The following NEDD4 variants were observed in gnomAD, a reference collection of about 807,000 sequenced individuals.
NEDD4 encodes the protein E3 ubiquitin-protein ligase NEDD4.
NEDD4 carries 99 observed loss-of-function variants against 144.9 expected under a neutral mutation model. The observed-to-expected ratio is 0.68, with a 90% CI of 0.58 to 0.81. The LOEUF (loss-of-function observed/expected upper bound fraction) is 0.81. Ranked by LOEUF, NEDD4 falls within the 30% of genes least tolerant of loss-of-function variation. The probability of loss-of-function intolerance (pLI) is 0.00; values close to 1 mark genes in which losing one functional copy is unlikely to be tolerated. For synonymous variants in NEDD4, 318 were observed against 350.6 expected, an observed-to-expected ratio of 0.91 and a Z score of 1.04; for missense variants, 985 against 1,065.9, an observed-to-expected ratio of 0.92 and a Z score of 1.06.
At chr15:55,973,601 C>T (rs2037650634) in intron 1 of NEDD4, among the ~76,000 whole-genome samples, 1 of 151,296 alleles carries the variant, frequency 6.6e-6, no homozygotes, top group African/African-American at 2.4e-5. Context: ...AACAGAATAA[C>T]ACTAGAAATC....
intron 5 of NEDD4, among the ~76,000 whole-genome samples, chr15:55,922,117 G>C (rs12441843): frequency 0.14 from 21,679 of 152,084 alleles, 1,681 homozygotes; most frequent in East Asian, 0.35. Context: ...CACGTACATA[G>C]GGAGACATAA....
At position 55,918,362 on chromosome 15, in the gene NEDD4, A is replaced by G. The variant is rs74851968; in HGVS notation, c.291+6284T>C. Among the ~76,000 whole-genome samples, 1,370 of 152,220 alleles carry G rather than the reference A, an allele frequency of 9.0e-3. 10 individuals are homozygous for G. The highest frequency in any genetic ancestry group is 0.029 in the African/African-American group (1,201 of 41,532). On this transcript the variant is annotated intron_variant, in intron 5 of 28. Coordinates refer to ENST00000435532, the MANE Select transcript of NEDD4 (RefSeq NM_006154.4). ...GTTGGTATTCTATTTGAAAGAAACA[A>G]ATTTATTTTTAAATAATACTCTAGG...
intron 15 of NEDD4, 89 bp downstream of exon 15, chr15:55,848,713 CATTA>C (rs2033852965): frequency 3.1e-6 from 4 of 1,302,282 alleles, no homozygotes; most frequent in Admixed American, 1.8e-5. Context: ...TTAATAATAA[CATTA>C]ATTATAGATG....
At chr15:55,960,200 A>G (rs1388728312) in intron 2 of NEDD4, among the ~76,000 whole-genome samples, 2 of 152,238 alleles carry the variant, frequency 1.3e-5, no homozygotes, top group Non-Finnish European at 2.9e-5. Flanking sequence ...TGTCAACTTC[A>G]TTAGACTGAA....
chr15:55,879,058 A>G (rs1444026286), intron 5 of NEDD4, among the ~76,000 whole-genome samples: 2 of 152,232 alleles, frequency 1.3e-5, no homozygotes, highest in African/African-American at 4.8e-5. Context: ...TACTGACCCC[A>G]GGTGATCCAC....
At chr15:55,836,010 C>T (rs1269353932) in intron 24 of NEDD4, among the ~76,000 whole-genome samples, 2 of 152,160 alleles carry the variant, frequency 1.3e-5, no homozygotes, top group Non-Finnish European at 2.9e-5. Flanking sequence ...TTGTTTCCCT[C>T]TTGCATTCTC....
At chr15:55,873,175 T>G (rs1322561642) in intron 6 of NEDD4, among the ~76,000 whole-genome samples, 1 of 152,102 alleles carries the variant, frequency 6.6e-6, no homozygotes, top group Admixed American at 6.6e-5. Context: ...TCTGATCCAC[T>G]CACGTTGACT....
rs184947374 is a variant in NEDD4 at position 55,905,335 on chromosome 15, G to A, written c.291+19311C>T. On this transcript the variant is annotated intron_variant, in intron 5 of 28. Coordinates refer to ENST00000435532, the MANE Select transcript of NEDD4 (RefSeq NM_006154.4). ...AGTTTCTTCTCTGGAGAAACAAATT[G>A]ACCTCAGAGAGAAGACACTAACAAT... 1.1e-5 allele frequency: 5 copies of A among 452,410 alleles called. No individual in the cohort carries two copies. The East Asian group carries it at 3.5e-4, about 32-fold the overall frequency. 28.0% of individuals were successfully genotyped at this position (452,410 alleles called of 1,614,324 possible). A position where few individuals can be genotyped will look rare whatever the true frequency, so the allele number is the denominator to read the frequency against.
intron 11 of NEDD4, among the ~76,000 whole-genome samples, chr15:55,856,782 C>T (rs1408949727): frequency 6.6e-6 from 1 of 152,166 alleles, no homozygotes; most frequent in Non-Finnish European, 1.5e-5. Context: ...TACTTGTTTC[C>T]TGGAAATCTC....
At chr15:55,918,014 C>A (rs1360128558) in intron 5 of NEDD4, among the ~76,000 whole-genome samples, 1 of 152,130 alleles carries the variant, frequency 6.6e-6, no homozygotes, top group East Asian at 1.9e-4. Context: ...GAGCTCTTTG[C>A]TGGCCCCTGC....
In NEDD4 at chr15:55,872,458, C is replaced by T; in HGVS notation, c.361G>A (p.Glu121Lys). Residue 121 changes from glutamate (E) to lysine (K), a missense_variant, in exon 7 of 29, where the codon GAG becomes AAG. By Grantham distance (56) the Glu-to-Lys change is moderately conservative. Coordinates refer to ENST00000435532, the MANE Select transcript of NEDD4 (RefSeq NM_006154.4). ...YPLPTENPRLERPYTFKDFVL... is the reference protein window; with the variant it reads ...YPLPTENPRLKRPYTFKDFVL... ...AAATCCTTAAATGTATATGGTCTCT[C>T]CAATCTTGGATTTTCTGTCTAGAAT... 1 of 1,462,302 alleles carries T rather than the reference C, an allele frequency of 6.8e-7. No individual in the cohort carries two copies. Among genetic ancestry groups the T allele is most frequent in the Non-Finnish European group, 9.2e-7 (1 of 1,088,526 alleles). The allele number at this position is 1,462,302 out of a possible 1,614,324, so 90.6% of individuals were successfully genotyped here. A position where few individuals can be genotyped will look rare whatever the true frequency, so the allele number is the denominator to read the frequency against.
At chr15:55,858,696 G>A (rs1306004539) in intron 11 of NEDD4, among the ~76,000 whole-genome samples, 1 of 152,202 alleles carries the variant, frequency 6.6e-6, no homozygotes, top group African/African-American at 2.4e-5. Flanking sequence ...TGGAAGAAAG[G>A]AAGGGCAGGA....
chr15:55,838,136 G>A lies in NEDD4; in HGVS notation c.2172C>T (p.Val724=), dbSNP rs1258408778. The part of the protein sequence containing the change: ...ELKNGGSEIV[V]TNKNKKEYIY... ...TATATTCCTTTTTGTTCTTATTGGT[G>A]ACAACTATTTCTGATCCACCATTTT... is the stretch of plus-strand genomic sequence containing the variant. The change falls in exon 23 of 29, where the codon GTC becomes GTT. Residue 724 remains valine (V), a synonymous_variant. Transcript: ENST00000435532. The A allele has an allele frequency of 3.1e-6, 5 of 1,590,730 alleles. No individual in the cohort carries two copies. The highest frequency in any genetic ancestry group is 1.7e-6 in the Non-Finnish European group (2 of 1,164,854).
intron 1 of NEDD4, among the ~76,000 whole-genome samples, chr15:55,970,710 A>G (rs1284278634): frequency 6.6e-6 from 1 of 152,260 alleles, no homozygotes; most frequent in Admixed American, 6.5e-5. Context: ...TACAAGAGTC[A>G]TATCATTACT....
At chr15:55,933,427 G>T (rs1324384421) in intron 4 of NEDD4, among the ~76,000 whole-genome samples, 1 of 150,934 alleles carries the variant, frequency 6.6e-6, no homozygotes. Context: ...ACTATCACAG[G>T]GACAGAAAAC....
chr15:55,901,127 G>A (rs1375917589), intron 5 of NEDD4, among the ~76,000 whole-genome samples: 2 of 151,936 alleles, frequency 1.3e-5, no homozygotes, highest in Non-Finnish European at 2.9e-5. Context: ...GTTTTGATAC[G>A]CTATGAAATG....
rs577714979 is a variant in NEDD4, at chr15:55,974,210, T to G, written c.46-7664A>C. Among the ~76,000 whole-genome samples, 3 of 152,040 alleles carry G rather than the reference T, an allele frequency of 2.0e-5. No homozygotes were observed. In the South Asian group the frequency reaches 6.2e-4, roughly 32 times the overall value. On this transcript the variant is annotated intron_variant, in intron 1 of 28. Coordinates refer to ENST00000435532, the MANE Select transcript of NEDD4 (RefSeq NM_006154.4). The stretch of plus-strand genomic sequence containing the variant: ...CCTATACACATACAACCTTCCAAGA[T>G]TGAACCATGAAGAAATCCAAAACAT...
intron 4 of NEDD4, among the ~76,000 whole-genome samples, chr15:55,940,545 TG>T (rs2036981977): frequency 6.7e-5 from 8 of 120,014 alleles, no homozygotes; most frequent in East Asian, 5.7e-4. Flanking sequence ...TCTCTCTCTC[TG>T]CCTCTCTGCC....
intron 1 of NEDD4, among the ~76,000 whole-genome samples, chr15:55,968,623 A>G (rs1032344431): frequency 5.3e-5 from 8 of 152,202 alleles, no homozygotes; most frequent in Non-Finnish European, 1.0e-4. Flanking sequence ...AATGGCTAAG[A>G]AATACATGAA....
Sources: allele counts gnomAD v4.1 joint callset (sites outside exome capture counted in the v4.1 genomes callset), GRCh38; gene constraint gnomAD v4.1.1; transcripts MANE v1.5; gene names NCBI Gene and HGNC (gene_info 2026-07-23, HGNC 2026-07-21).